Variants in EHMT1 observed in about 807,000 individuals in gnomAD.
The protein encoded by EHMT1 is euchromatic histone lysine methyltransferase 1.
In EHMT1, 15 loss-of-function variants were observed where a neutral mutation model predicts 147.2. That is an observed-to-expected ratio of 0.10 (90% CI 0.07 to 0.16). The LOEUF (loss-of-function observed/expected upper bound fraction) is 0.16, where lower values mean the gene tolerates loss of function less well. Among genes scored for constraint, EHMT1 ranks in the 10% least tolerant of loss-of-function variants. The probability of loss-of-function intolerance (pLI) is 1.00; values close to 1 mark genes in which losing one functional copy is unlikely to be tolerated. For missense variants in EHMT1, 1,587 were observed against 1,772.4 expected (o/e 0.90, Z 1.88); for synonymous variants, 795 against 709.6 (o/e 1.12, Z -1.91).
At position 137,834,513 on chromosome 9, in the gene EHMT1, C is replaced by T. The variant is rs548619730; in HGVS notation, c.3705C>T (p.Gly1235=). Residue 1235 remains glycine (G), a synonymous_variant, in exon 26 of 27, where the codon GGC becomes GGT. Coordinates refer to ENST00000460843, the MANE Select transcript of EHMT1 (RefSeq NM_024757.5). ...TCAGCACCCGCCTGATCGAGGCCGGCGAGCAGCTCGGGTACGCACCGCCCC... is the reference window on the plus strand; with the variant it reads ...TCAGCACCCGCCTGATCGAGGCCGGTGAGCAGCTCGGGTACGCACCGCCCC... ...AFFSTRLIEA[G]EQLGFDYGER... is the part of the protein sequence containing the mutation. 2 of 1,610,940 alleles carry T rather than the reference C, an allele frequency of 1.2e-6. No homozygotes were observed. Among genetic ancestry groups the T allele is most frequent in the Non-Finnish European group, 1.7e-6 (2 of 1,179,716 alleles).
chr9:137,682,284 A>G (rs777079507), intron 1 of EHMT1, among the ~76,000 whole-genome samples: 5 of 152,090 alleles, frequency 3.3e-5, no homozygotes, highest in Non-Finnish European at 7.4e-5. Context: ...TGGGTTTGGA[A>G]TTTATTAAAT....
At chr9:137,668,706 G>C (rs1314458796) in intron 1 of EHMT1, among the ~76,000 whole-genome samples, 1 of 149,906 alleles carries the variant, frequency 6.7e-6, no homozygotes, top group Non-Finnish European at 1.5e-5. Context: ...TTTCGTGCCT[G>C]ACTTCTTTCA....
At chr9:137,706,300 GTAGTTTGCTCACTCCAGC>G in intron 1 of EHMT1, among the ~76,000 whole-genome samples, 1 of 152,370 alleles carries the variant, frequency 6.6e-6, no homozygotes, top group African/African-American at 2.4e-5. Context: ...CTGAGTCCAA[GTAGTTTGCTCACTCCAGC>G]TAGGTGGATG....
intron 1 of EHMT1, among the ~76,000 whole-genome samples, chr9:137,686,565 T>A (rs1423404425): frequency 2.0e-5 from 3 of 151,518 alleles, no homozygotes; most frequent in Admixed American, 6.6e-5. Flanking sequence ...AGTTTTTGTA[T>A]TTTTTGTAGA....
At chr9:137,659,693 C>A (rs976626308) in intron 1 of EHMT1, among the ~76,000 whole-genome samples, 1 of 151,782 alleles carries the variant, frequency 6.6e-6, no homozygotes, top group African/African-American at 2.4e-5. Flanking sequence ...GCTGGGACCA[C>A]CTACTACTGA....
chr9:137,738,785 T>C (rs1440257492), intron 4 of EHMT1: 1 of 152,128 alleles, frequency 6.6e-6, no homozygotes, highest in African/African-American at 2.4e-5. Context: ...ATGAAGTAAG[T>C]CAGCCACAAA....
At chr9:137,810,522 C>T (rs542421194) in intron 18 of EHMT1, among the ~76,000 whole-genome samples, 7 of 152,092 alleles carry the variant, frequency 4.6e-5, no homozygotes, top group African/African-American at 1.2e-4. Flanking sequence ...TTATGTTTAC[C>T]GTTCATCTTT....
intron 1 of EHMT1, among the ~76,000 whole-genome samples, chr9:137,623,713 A>C (rs1283554974): frequency 6.6e-6 from 1 of 152,108 alleles, no homozygotes; most frequent in African/African-American, 2.4e-5. Flanking sequence ...GAGCCTCCGC[A>C]CCCGGCCGCA....
In EHMT1 at chr9:137,835,661, G is replaced by A. The variant is rs922385501; in HGVS notation, c.*708G>A. 2 of 152,670 alleles carry A rather than the reference G, an allele frequency of 1.3e-5. No individual in the cohort carries two copies. The highest frequency in any genetic ancestry group is 2.9e-5 in the Non-Finnish European group (2 of 68,052). The allele number at this position is 152,670 out of a possible 1,614,324, so 9.5% of individuals were successfully genotyped here. A position where few individuals can be genotyped will look rare whatever the true frequency, so the allele number is the denominator to read the frequency against. The stretch of plus-strand genomic sequence containing the variant: ...CTTCTGTTGATTTTTTAAGCCACAT[G>A]CTATGATGAATAAACTGATTTATTT... On this transcript the variant is annotated 3_prime_UTR_variant, in exon 27 of 27. Coordinates refer to ENST00000460843, the MANE Select transcript of EHMT1 (RefSeq NM_024757.5).
Position 137,716,808 on chromosome 9 carries a change from C to A in EHMT1, c.268C>A (p.Arg90=). The stretch of plus-strand genomic sequence containing the variant: ...CCAGGATGGCACCAACACACTAACT[C>A]GGATAGCGGAAAATGGGGTTTCAGA... ...NPQDGTNTLT[R]IAENGVSERD... The change falls in exon 3 of 27, where the codon CGG becomes AGG. Residue 90 remains arginine, a synonymous_variant. Transcript: ENST00000460843. The A allele has an allele frequency of 1.2e-6, 2 of 1,613,252 alleles. No individual in the cohort carries two copies. The highest frequency in any genetic ancestry group is 1.7e-6 in the Non-Finnish European group (2 of 1,179,878).
intron 18 of EHMT1, among the ~76,000 whole-genome samples, chr9:137,807,460 T>C (rs1214591391): frequency 6.7e-6 from 1 of 149,654 alleles, no homozygotes; most frequent in Non-Finnish European, 1.5e-5. Context: ...AATACAGTTA[T>C]ACCAATGGCT....
At chr9:137,647,919 G>A (rs1221986446) in intron 1 of EHMT1, among the ~76,000 whole-genome samples, 1 of 152,032 alleles carries the variant, frequency 6.6e-6, no homozygotes, top group Non-Finnish European at 1.5e-5. Context: ...ACTTGCTCTC[G>A]CTCTCTCCTG....
chr9:137,833,672 G>T (rs1259621735), intron 25 of EHMT1, among the ~76,000 whole-genome samples: 1 of 152,260 alleles, frequency 6.6e-6, no homozygotes, highest in Non-Finnish European at 1.5e-5. Flanking sequence ...CAGGGGCCAG[G>T]GCCCAGGGCC....
chr9:137,659,866 G>A (rs528861764), intron 1 of EHMT1, among the ~76,000 whole-genome samples: 49 of 152,090 alleles, frequency 3.2e-4, no homozygotes, highest in Admixed American at 1.2e-3. Flanking sequence ...GTGAGGCACT[G>A]CGCTTGGCCC....
chr9:137,737,953 G>C lies in EHMT1; in HGVS notation c.824-5418G>C, dbSNP rs1947690428. Among the ~76,000 whole-genome samples, 4 of 152,318 alleles carry C rather than the reference G, an allele frequency of 2.6e-5. No individual in the cohort carries two copies. In the South Asian group the frequency reaches 8.3e-4, roughly 32 times the overall value. ...TTGCGCCTGTAATCTCAGCACTTTG[G>C]GAGGCCGAGGCAGGCAGATCACCTG... On this transcript the variant is annotated intron_variant, in intron 4 of 26. Transcript: ENST00000460843.
intron 1 of EHMT1, among the ~76,000 whole-genome samples, chr9:137,699,674 CAAAA>C (rs34626207): frequency 2.3e-5 from 3 of 129,990 alleles, no homozygotes; most frequent in Admixed American, 7.6e-5. Context: ...GACTCTGTCT[CAAAA>C]AAAAAAAAAA....
intron 21 of EHMT1, 114 bp from the exon 22 acceptor site, chr9:137,814,317 G>A: frequency 8.6e-7 from 1 of 1,166,758 alleles, no homozygotes; most frequent in Non-Finnish European, 1.3e-6. Flanking sequence ...TGGTGCCTTT[G>A]AGAAGCACTT....
chr9:137,633,535 G>A (rs951978345), intron 1 of EHMT1, among the ~76,000 whole-genome samples: 2 of 152,050 alleles, frequency 1.3e-5, no homozygotes, highest in Admixed American at 6.6e-5. Context: ...ATCAGTCCAG[G>A]AGCAGATGAT....
At position 137,813,565 on chromosome 9, in the gene EHMT1, A is replaced by G. The variant is rs376810008; in HGVS notation, c.3180+35A>G. On this transcript the variant is annotated intron_variant, in intron 21 of 26. Coordinates refer to ENST00000460843, the MANE Select transcript of EHMT1 (RefSeq NM_024757.5). This position sits in a 1 kb window ranked among gnomAD's most constrained non-coding sequence, Gnocchi z 4.9. Reference sequence around the variant, plus strand: ...GGCAGATGAAGGGCTGACTCAGGCCAGGACATGGGACAGGCAGAAGCTTCT... The same window carrying G: ...GGCAGATGAAGGGCTGACTCAGGCCGGGACATGGGACAGGCAGAAGCTTCT... The G allele has an allele frequency of 2.2e-5, 35 of 1,612,410 alleles. No individual in the cohort carries two copies. Among genetic ancestry groups the G allele is most frequent in the Non-Finnish European group, 2.7e-5 (32 of 1,179,804 alleles).
Sources: gnomAD v4.1 joint callset for allele counts (sites outside exome capture counted in the v4.1 genomes callset) on GRCh38, gnomAD v4.1.1 for gene constraint, Gnocchi (gnomAD v3.1) non-coding constraint, MANE v1.5 for transcripts, NCBI Gene and HGNC (gene_info 2026-07-23, HGNC 2026-07-21) for gene names.